The following SLCO3A1 variants were observed in gnomAD, a reference collection of about 807,000 sequenced individuals.
SLCO3A1 encodes solute carrier organic anion transporter family member 3A1, also known as PGE1 transporter.
Under a neutral mutation model 63.1 loss-of-function variants are expected in SLCO3A1, and 27 were observed. That is an observed-to-expected ratio of 0.43 (90% CI 0.32 to 0.59). The LOEUF is 0.59. SLCO3A1 is among the 20% of genes least tolerant of loss of function. The pLI is 0.09. For synonymous variants in SLCO3A1, 473 were observed against 409.9 expected, an observed-to-expected ratio of 1.15 and a Z score of -1.86; for missense variants, 773 against 945.8, an observed-to-expected ratio of 0.82 and a Z score of 2.40.
chr15:91,993,458 C>T (rs1435073836), intron 2 of SLCO3A1, among the ~76,000 whole-genome samples: 1 of 152,136 alleles, frequency 6.6e-6, no homozygotes, highest in Non-Finnish European at 1.5e-5. Flanking sequence ...GGAAATGGCT[C>T]AGAAAGTAGA....
At chr15:92,074,536 G>C (rs543949055) in intron 2 of SLCO3A1, among the ~76,000 whole-genome samples, 7 of 152,204 alleles carry the variant, frequency 4.6e-5, no homozygotes, top group African/African-American at 1.7e-4. Flanking sequence ...GGTATGCCCT[G>C]AAGGTCTGCT....
Position 91,894,808 on chromosome 15 carries a change from G to A in SLCO3A1, c.181-21185G>A, listed in dbSNP as rs1897962486. Among the ~76,000 whole-genome samples, 2 of 152,164 alleles carry A rather than the reference G, an allele frequency of 1.3e-5. No homozygotes were observed. The highest frequency in any genetic ancestry group is 4.8e-5 in the African/African-American group (2 of 41,434). On this transcript the variant is annotated intron_variant, in intron 1 of 9. Coordinates refer to ENST00000318445, the MANE Select transcript of SLCO3A1 (RefSeq NM_013272.4). The surrounding 1 kb of genome is among the most constrained non-coding windows in gnomAD (Gnocchi z 4.8). Reference sequence around the variant, plus strand: ...GCAAGGGCTTACTCACCCTCACCCTGCACATGCTTCTGCCACACAGAGGCA... The same window carrying A: ...GCAAGGGCTTACTCACCCTCACCCTACACATGCTTCTGCCACACAGAGGCA...
At chr15:91,927,849 G>C (rs761482277) in intron 2 of SLCO3A1, among the ~76,000 whole-genome samples, 1 of 152,170 alleles carries the variant, frequency 6.6e-6, no homozygotes, top group South Asian at 2.1e-4. Context: ...CTAAAATTGC[G>C]TATGGACACT....
At chr15:92,161,248 C>G (rs2048433034) in intron 9 of SLCO3A1, among the ~76,000 whole-genome samples, 1 of 152,160 alleles carries the variant, frequency 6.6e-6, no homozygotes, top group African/African-American at 2.4e-5. Flanking sequence ...CTGTCACTTT[C>G]CCATAGTACA....
At chr15:91,999,792 T>A (rs12101314) in intron 2 of SLCO3A1, among the ~76,000 whole-genome samples, 2,363 of 152,262 alleles carry the variant, frequency 0.016, 71 homozygotes, top group African/African-American at 0.052. Context: ...ACCCTGTCTC[T>A]GAGAAAAAAA....
chr15:92,171,985 C>CCA, exon 11 of SLCO3A1: 1 of 731,914 alleles, frequency 1.4e-6, no homozygotes, highest in Non-Finnish European at 2.4e-6. Flanking sequence ...GATTATCCAG[C>CCA]CAGTGTGTGG....
At position 92,153,788 on chromosome 15, in the gene SLCO3A1, C is replaced by A. The variant is rs80326146; in HGVS notation, c.1753+2774C>A. Among the ~76,000 whole-genome samples, 584 of 151,980 alleles carry A rather than the reference C, an allele frequency of 3.8e-3. 5 individuals carry two copies. The highest frequency in any genetic ancestry group is 0.013 in the African/African-American group (551 of 41,418). On this transcript the variant is annotated intron_variant, in intron 9 of 9. Transcript: ENST00000318445. ...ACAGATGAGCAGGGAGAAGGACTTA[C>A]GGGGTAAAAGCCCGGGGATGAACAA...
At chr15:92,012,645 G>A (rs145750803) in intron 2 of SLCO3A1, among the ~76,000 whole-genome samples, 1,903 of 151,606 alleles carry the variant, frequency 0.013, 49 homozygotes, top group African/African-American at 0.044. Flanking sequence ...GCTCACACCC[G>A]GAATCCCAGC....
rs1405436731 is a variant in SLCO3A1 at position 91,862,987 on chromosome 15, A to G, written c.180+8899A>G. Among the ~76,000 whole-genome samples, 2 of 152,238 alleles carry G rather than the reference A, an allele frequency of 1.3e-5. No homozygotes were observed. Among genetic ancestry groups the G allele is most frequent in the Non-Finnish European group, 2.9e-5 (2 of 68,046 alleles). On this transcript the variant is annotated intron_variant, in intron 1 of 9. Coordinates refer to ENST00000318445, the MANE Select transcript of SLCO3A1 (RefSeq NM_013272.4). The surrounding 1 kb of genome is among the most constrained non-coding windows in gnomAD (Gnocchi z 4.0). The stretch of plus-strand genomic sequence containing the variant: ...TTAGAAGGAGAAATTACCACCTTGA[A>G]TATAAGCAGGTTGAAATTGGGAGAG...
intron 2 of SLCO3A1, among the ~76,000 whole-genome samples, chr15:92,019,799 C>T (rs993821219): frequency 5.3e-5 from 8 of 152,180 alleles, no homozygotes; most frequent in Admixed American, 2.0e-4. Flanking sequence ...GCAGCCTTGC[C>T]ACTTGTGGGG....
chr15:92,053,342 G>A (rs983786968), intron 2 of SLCO3A1, among the ~76,000 whole-genome samples: 2 of 152,188 alleles, frequency 1.3e-5, no homozygotes, highest in Admixed American at 1.3e-4. Context: ...GGATAGCACA[G>A]AGAGTTCCCA....
intron 1 of SLCO3A1, among the ~76,000 whole-genome samples, chr15:91,873,272 A>G (rs1897320693): frequency 6.6e-6 from 1 of 152,172 alleles, no homozygotes; most frequent in Non-Finnish European, 1.5e-5. Context: ...TTTCTCCTCG[A>G]AAACAAAAGT....
intron 5 of SLCO3A1, among the ~76,000 whole-genome samples, chr15:92,123,925 G>A (rs1031419540): frequency 2.0e-5 from 3 of 152,218 alleles, no homozygotes; most frequent in African/African-American, 7.2e-5. Context: ...GTCTGCTGGT[G>A]TGCTTGGCAG....
chr15:92,107,079 T>G (rs2047675969), intron 4 of SLCO3A1, among the ~76,000 whole-genome samples: 1 of 152,176 alleles, frequency 6.6e-6, no homozygotes, highest in Non-Finnish European at 1.5e-5. Context: ...CTGGATGAGC[T>G]GCCGTTGAGC....
chr15:92,081,894 G>T (rs1358623659), intron 2 of SLCO3A1, among the ~76,000 whole-genome samples: 2 of 152,226 alleles, frequency 1.3e-5, no homozygotes, highest in Admixed American at 6.5e-5. Flanking sequence ...CCAATGTGCA[G>T]CCCAGTTTGA....
chr15:91,911,393 G>A (rs895328873), intron 1 of SLCO3A1, among the ~76,000 whole-genome samples: 2 of 152,196 alleles, frequency 1.3e-5, no homozygotes, highest in South Asian at 2.1e-4. Flanking sequence ...TGTTAGAAAC[G>A]CATAGTCTAG....
intron 9 of SLCO3A1, 26 bp from the exon 10 acceptor site, chr15:92,162,730 C>T (rs200975894): frequency 1.2e-5 from 19 of 1,592,426 alleles, no homozygotes; most frequent in Non-Finnish European, 1.4e-5. Flanking sequence ...AGATCCAGAA[C>T]CTTAACATTC....
chr15:91,917,540 G>A (rs1028244003), intron 2 of SLCO3A1, among the ~76,000 whole-genome samples: 5 of 152,244 alleles, frequency 3.3e-5, no homozygotes, highest in South Asian at 2.1e-4. Flanking sequence ...TGTTGCACGC[G>A]GATGTTCTGG....
intron 9 of SLCO3A1, among the ~76,000 whole-genome samples, chr15:92,154,466 T>C (rs959369264): frequency 2.0e-5 from 3 of 152,226 alleles, no homozygotes; most frequent in Non-Finnish European, 4.4e-5. Context: ...TTTAATTTTA[T>C]TAGTTTTCAC....
Sources: allele counts gnomAD v4.1 joint callset (sites outside exome capture counted in the v4.1 genomes callset), GRCh38; gene constraint gnomAD v4.1.1; non-coding constraint Gnocchi (gnomAD v3.1); transcripts MANE v1.5; gene names NCBI Gene and HGNC (gene_info 2026-07-23, HGNC 2026-07-21).